The following FKBP5 variants were observed in gnomAD, a reference collection of about 807,000 sequenced individuals.
FKBP5 encodes the protein FKBP prolyl isomerase 5, also known as peptidyl-prolyl cis-trans isomerase FKBP5.
In FKBP5, 23 loss-of-function variants were observed where a neutral mutation model predicts 50.5. The ratio of observed to expected loss-of-function variants is 0.46; its 90% CI spans 0.33 to 0.65. The LOEUF (loss-of-function observed/expected upper bound fraction) is 0.65, where lower values mean the gene tolerates loss of function less well. Among genes scored for constraint, FKBP5 ranks in the 30% least tolerant of loss-of-function variants. FKBP5 has a pLI of 0.02. For synonymous variants in FKBP5, 176 were observed against 190.6 expected, an observed-to-expected ratio of 0.92 and a Z score of 0.63; for missense variants, 411 against 553.1, an observed-to-expected ratio of 0.74 and a Z score of 2.58.
intron 5 of FKBP5, among the ~76,000 whole-genome samples, chr6:35,611,448 G>T (rs1763491357): frequency 6.6e-6 from 1 of 152,184 alleles, no homozygotes; most frequent in Non-Finnish European, 1.5e-5. Flanking sequence ...CCAGCATTTT[G>T]ATGGGCCTCT....
chr6:35,611,237 C>CTCT (rs558343839), intron 5 of FKBP5, among the ~76,000 whole-genome samples: 1 of 152,130 alleles, frequency 6.6e-6, no homozygotes. Flanking sequence ...TATTATTGAT[C>CTCT]TCTTCTTCTT....
chr6:35,645,549 C>A (rs1349722705), intron 1 of FKBP5, among the ~76,000 whole-genome samples: 1 of 152,110 alleles, frequency 6.6e-6, no homozygotes, highest in Non-Finnish European at 1.5e-5. Context: ...TTGGCTGGAT[C>A]CTGGATTAGG....
At chr6:35,713,955 A>G (rs1024209174) in intron 2 of FKBP5, among the ~76,000 whole-genome samples, 6 of 152,052 alleles carry the variant, frequency 3.9e-5, no homozygotes, top group Admixed American at 3.9e-4. Context: ...TCCCTCACAG[A>G]CATCCCTGAT....
chr6:35,671,001 G>A (rs887911480), intron 1 of FKBP5, among the ~76,000 whole-genome samples: 2 of 152,064 alleles, frequency 1.3e-5, no homozygotes, highest in Non-Finnish European at 2.9e-5. Context: ...GCTCATGCCT[G>A]TAATCCCAGC....
chr6:35,646,224 G>C (rs1764626620), intron 1 of FKBP5, among the ~76,000 whole-genome samples: 2 of 152,196 alleles, frequency 1.3e-5, no homozygotes, highest in Non-Finnish European at 1.5e-5. Context: ...TGTATAAGCT[G>C]ATTTACTAGC....
chr6:35,661,742 C>T (rs1765072209), intron 1 of FKBP5, among the ~76,000 whole-genome samples: 1 of 74,106 alleles, frequency 1.3e-5, no homozygotes, highest in South Asian at 5.1e-4. Context: ...CACACTACAG[C>T]CTGGGTGACA....
intron 1 of FKBP5, among the ~76,000 whole-genome samples, chr6:35,657,968 C>G (rs1378229187): frequency 6.6e-6 from 1 of 151,480 alleles, no homozygotes; most frequent in Non-Finnish European, 1.5e-5. Context: ...CAGTGGCTCA[C>G]ACCTGTAATC....
At position 35,581,594 on chromosome 6, in the gene FKBP5, A is replaced by C. The variant is rs573709381; in HGVS notation, c.841-1373T>G. 180 of 800,150 alleles carry C rather than the reference A, an allele frequency of 2.2e-4. 1 individual carries two copies. The South Asian group carries it at 9.4e-3, about 42-fold the overall frequency. The allele number at this position is 800,150 out of a possible 1,614,324, so 49.6% of individuals were successfully genotyped here. On this transcript the variant is annotated intron_variant, in intron 8 of 10. Coordinates refer to ENST00000357266, the MANE Select transcript of FKBP5 (RefSeq NM_004117.4). ...GACAGAGCGAGACTCCTCAAAAACAAAACAAAACAAAACAAAACAAAACAA... is the reference window on the plus strand; with the variant it reads ...GACAGAGCGAGACTCCTCAAAAACACAACAAAACAAAACAAAACAAAACAA...
chr6:35,719,879 G>A (rs1392571733), intron 2 of FKBP5, among the ~76,000 whole-genome samples: 1 of 152,174 alleles, frequency 6.6e-6, no homozygotes, highest in Non-Finnish European at 1.5e-5. Flanking sequence ...TTCCGTACCC[G>A]GCCTCCTCCA....
chr6:35,683,114 ACG>A (rs1561893247), intron 1 of FKBP5, among the ~76,000 whole-genome samples: 2 of 108,772 alleles, frequency 1.8e-5, no homozygotes, highest in African/African-American at 3.3e-5. Context: ...GTATATATAT[ACG>A]TATATGTGTG....
At chr6:35,604,584 T>G (rs997512792) in intron 5 of FKBP5, among the ~76,000 whole-genome samples, 2 of 151,594 alleles carry the variant, frequency 1.3e-5, no homozygotes, top group African/African-American at 4.8e-5. Flanking sequence ...CAGATCTCAA[T>G]ATGGGCAGAC....
intron 2 of FKBP5, among the ~76,000 whole-genome samples, chr6:35,717,803 C>G (rs747472831): frequency 6.6e-6 from 1 of 152,216 alleles, no homozygotes; most frequent in African/African-American, 2.4e-5. Context: ...GGGGTCACCT[C>G]CCAGGGCAGC....
At chr6:35,700,954 A>G (rs1033072786) in intron 2 of FKBP5, among the ~76,000 whole-genome samples, 2 of 152,120 alleles carry the variant, frequency 1.3e-5, no homozygotes, top group Non-Finnish European at 2.9e-5. Context: ...CCAAGACTCC[A>G]TCTAAAAAAT....
intron 3 of FKBP5, among the ~76,000 whole-genome samples, chr6:35,623,038 C>T (rs964832265): frequency 4.0e-5 from 6 of 151,818 alleles, no homozygotes; most frequent in Admixed American, 2.0e-4. Flanking sequence ...GTCAGGAGAT[C>T]GAAACCATCC....
chr6:35,671,892 G>C (rs1157238231), intron 1 of FKBP5, among the ~76,000 whole-genome samples: 4 of 150,282 alleles, frequency 2.7e-5, no homozygotes, highest in Middle Eastern at 3.2e-3. Context: ...TTTTTGAGAC[G>C]GAGTCTCACT....
At chr6:35,685,737 T>C (rs1158320815) in intron 1 of FKBP5, among the ~76,000 whole-genome samples, 1 of 152,112 alleles carries the variant, frequency 6.6e-6, no homozygotes, top group Non-Finnish European at 1.5e-5. Flanking sequence ...ATACCAGCAC[T>C]TTGGGAGGCT....
At chr6:35,633,228 C>T (rs1288236153) in intron 3 of FKBP5, among the ~76,000 whole-genome samples, 1 of 151,830 alleles carries the variant, frequency 6.6e-6, no homozygotes, top group Non-Finnish European at 1.5e-5. Context: ...TGATAAACTA[C>T]CTAATGCTAT....
At chr6:35,674,863 T>TA (rs1241429606) in intron 1 of FKBP5, among the ~76,000 whole-genome samples, 23 of 152,318 alleles carry the variant, frequency 1.5e-4, no homozygotes, top group Non-Finnish European at 4.4e-5. Context: ...AGCCCTTAAG[T>TA]AAACCACTCC....
At position 35,616,451 on chromosome 6, in the gene FKBP5, T is replaced by C. The variant is rs141341237; in HGVS notation, c.508+2645A>G. ...AAAACAGTTACTGGTACTACATCAA[T>C]GTTAACTTCCTGATTTTGATAAATG... On this transcript the variant is annotated intron_variant, in intron 5 of 10. Transcript: ENST00000357266. Among the ~76,000 whole-genome samples, 628 of 152,128 alleles carry C rather than the reference T, an allele frequency of 4.1e-3. 2 individuals are homozygous for C. Among genetic ancestry groups the C allele is most frequent in the South Asian group, 8.9e-3 (43 of 4,818 alleles).
Sources: gnomAD v4.1 joint callset for allele counts (sites outside exome capture counted in the v4.1 genomes callset) on GRCh38, gnomAD v4.1.1 for gene constraint, MANE v1.5 for transcripts, NCBI Gene and HGNC (gene_info 2026-07-23, HGNC 2026-07-21) for gene names.